FIGN: variants seen among roughly 807,000 people sequenced by gnomAD.
FIGN encodes the protein fidgetin.
In FIGN, 11 loss-of-function variants were observed where a neutral mutation model predicts 51.3. The observed-to-expected ratio is 0.21, with a 90% CI of 0.13 to 0.35. The LOEUF (loss-of-function observed/expected upper bound fraction) is 0.35, where lower values mean the gene tolerates loss of function less well. Ranked by LOEUF, FIGN falls within the 10% of genes least tolerant of loss-of-function variation. The probability of loss-of-function intolerance (pLI) is 1.00; values close to 1 mark genes in which losing one functional copy is unlikely to be tolerated. For synonymous variants in FIGN, 407 were observed against 363.2 expected, an observed-to-expected ratio of 1.12 and a Z score of -1.37; for missense variants, 857 against 943.6, an observed-to-expected ratio of 0.91 and a Z score of 1.20.
chr2:163,723,063 C>T (rs1481848775), intron 2 of FIGN, among the ~76,000 whole-genome samples: 1 of 151,722 alleles, frequency 6.6e-6, no homozygotes, highest in Non-Finnish European at 1.5e-5. Context: ...TGGTGGCAGA[C>T]GCCTGTAGTC....
chr2:163,693,950 C>T (rs1684276567), intron 2 of FIGN, among the ~76,000 whole-genome samples: 1 of 152,168 alleles, frequency 6.6e-6, no homozygotes, highest in African/African-American at 2.4e-5. Flanking sequence ...ACAGGTAACA[C>T]AGGACCTGTA....
At chr2:163,661,300 T>G (rs1683679049) in intron 2 of FIGN, among the ~76,000 whole-genome samples, 4 of 151,786 alleles carry the variant, frequency 2.6e-5, no homozygotes, top group Non-Finnish European at 5.9e-5. Flanking sequence ...AGTGCAGTGA[T>G]GTGATCTCGG....
chr2:163,733,379 A>T (rs1684961884), intron 2 of FIGN, among the ~76,000 whole-genome samples: 2 of 152,222 alleles, frequency 1.3e-5, no homozygotes, highest in Non-Finnish European at 1.5e-5. Context: ...TACGGTGAAC[A>T]GTCAAACCAT....
chr2:163,619,303 G>A (rs563673194), intron 2 of FIGN, among the ~76,000 whole-genome samples: 3 of 152,258 alleles, frequency 2.0e-5, no homozygotes, highest in South Asian at 4.1e-4. Flanking sequence ...ACAGAAAGTT[G>A]TTGGGTAGAT....
Position 163,605,442 on chromosome 2 carries a change from C to T in FIGN, c.*4110G>A, listed in dbSNP as rs1271373170. On this transcript the variant is annotated 3_prime_UTR_variant, in exon 3 of 3. Coordinates refer to ENST00000333129, the MANE Select transcript of FIGN (RefSeq NM_018086.4). The stretch of plus-strand genomic sequence containing the variant: ...GATGATTCAACAACTGAAGGCTTTA[C>T]GTTTCAAAAGAAAAAAAAACACATT... 2.6e-5 allele frequency: 4 copies of T among 151,730 alleles called. No individual in the cohort carries two copies. The highest frequency in any genetic ancestry group is 3.9e-4 in the East Asian group (2 of 5,160). 9.4% of individuals were successfully genotyped at this position (151,730 alleles called of 1,614,324 possible).
chr2:163,650,346 C>T (rs980356299), intron 2 of FIGN, among the ~76,000 whole-genome samples: 4 of 151,264 alleles, frequency 2.6e-5, no homozygotes, highest in African/African-American at 9.7e-5. Context: ...AATATATATA[C>T]TATACACATA....
At chr2:163,686,795 C>CACACAT (rs1553500847) in intron 2 of FIGN, among the ~76,000 whole-genome samples, 21 of 150,324 alleles carry the variant, frequency 1.4e-4, no homozygotes, top group African/African-American at 4.4e-4. Flanking sequence ...CACACACACA[C>CACACAT]ATATATATAT....
At chr2:163,631,965 C>T (rs773603385) in intron 2 of FIGN, among the ~76,000 whole-genome samples, 1 of 152,040 alleles carries the variant, frequency 6.6e-6, no homozygotes, top group Non-Finnish European at 1.5e-5. Flanking sequence ...CTGATCAACA[C>T]GGTGAAACCG....
chr2:163,607,470 G>A lies in FIGN; in HGVS notation c.*2082C>T, dbSNP rs938679330. On this transcript the variant is annotated 3_prime_UTR_variant, in exon 3 of 3. Transcript: ENST00000333129. The stretch of plus-strand genomic sequence containing the variant: ...TAGCAACATAAAAAATAAAAAAAGG[G>A]GAGTAAAGATCAAGCATCATAAAAT... The A allele has an allele frequency of 6.6e-6, 1 of 152,312 alleles. No homozygotes were observed. Among genetic ancestry groups the A allele is most frequent in the African/African-American group, 2.4e-5 (1 of 41,384 alleles). The allele number at this position is 152,312 out of a possible 1,614,324, so 9.4% of individuals were successfully genotyped here. A position where few individuals can be genotyped will look rare whatever the true frequency, so the allele number is the denominator to read the frequency against.
At chr2:163,665,631 T>G (rs1488541644) in intron 2 of FIGN, among the ~76,000 whole-genome samples, 3 of 152,140 alleles carry the variant, frequency 2.0e-5, no homozygotes, top group African/African-American at 7.2e-5. Flanking sequence ...ACAAAAAAAT[T>G]GAAAAGAATA....
chr2:163,631,742 G>C (rs1683148750), intron 2 of FIGN, among the ~76,000 whole-genome samples: 1 of 152,208 alleles, frequency 6.6e-6, no homozygotes, highest in African/African-American at 2.4e-5. Context: ...CATATCATTA[G>C]AACAGGGAAG....
chr2:163,709,312 A>T (rs1684551521), intron 2 of FIGN, among the ~76,000 whole-genome samples: 1 of 152,164 alleles, frequency 6.6e-6, no homozygotes, highest in African/African-American at 2.4e-5. Context: ...TTTTTATGTA[A>T]TCCACTTTAC....
At chr2:163,701,444 A>T (rs1463159378) in intron 2 of FIGN, among the ~76,000 whole-genome samples, 1 of 152,214 alleles carries the variant, frequency 6.6e-6, no homozygotes, top group Non-Finnish European at 1.5e-5. Flanking sequence ...ACACACTGCA[A>T]CTACCAAAGA....
At chr2:163,676,730 A>G (rs935699809) in intron 2 of FIGN, among the ~76,000 whole-genome samples, 2 of 152,044 alleles carry the variant, frequency 1.3e-5, no homozygotes, top group African/African-American at 4.8e-5. Flanking sequence ...TTATTTACAC[A>G]GATAGCCAAA....
At chr2:163,697,075 G>A (rs996598599) in intron 2 of FIGN, among the ~76,000 whole-genome samples, 1 of 145,954 alleles carries the variant, frequency 6.9e-6, no homozygotes, top group African/African-American at 2.5e-5. Flanking sequence ...AGCACATTGT[G>A]TCATAATTTT....
At chr2:163,708,875 T>C (rs1332593181) in intron 2 of FIGN, among the ~76,000 whole-genome samples, 2 of 152,174 alleles carry the variant, frequency 1.3e-5, no homozygotes, top group African/African-American at 4.8e-5. Flanking sequence ...ATTCAGAAGT[T>C]ACATATGATA....
At chr2:163,617,531 T>C (rs1422469745) in intron 2 of FIGN, among the ~76,000 whole-genome samples, 1 of 152,200 alleles carries the variant, frequency 6.6e-6, no homozygotes, top group Middle Eastern at 3.2e-3. Flanking sequence ...CACTTTTCGA[T>C]TGATGTTTCA....
chr2:163,617,009 G>T, intron 2 of FIGN: 1 of 660,334 alleles, frequency 1.5e-6, no homozygotes, highest in Non-Finnish European at 1.9e-6. Flanking sequence ...TCTTCAATGG[G>T]AGTGATGACC....
intron 2 of FIGN, among the ~76,000 whole-genome samples, chr2:163,728,741 C>A (rs779827880): frequency 6.6e-6 from 1 of 152,220 alleles, no homozygotes; most frequent in South Asian, 2.1e-4. Flanking sequence ...GGCTTCATTG[C>A]CCCATCATTT....
Sources: gnomAD v4.1 joint callset for allele counts (sites outside exome capture counted in the v4.1 genomes callset) on GRCh38, gnomAD v4.1.1 for gene constraint, MANE v1.5 for transcripts, NCBI Gene and HGNC (gene_info 2026-07-23, HGNC 2026-07-21) for gene names.